Variants in CSMD2 observed in about 807,000 individuals in gnomAD.
The protein encoded by CSMD2 is CUB and Sushi multiple domains 2, also known as CUB and sushi domain-containing protein 2.
A neutral mutation model predicts 398.5 loss-of-function variants in CSMD2; 130 were observed. The observed-to-expected ratio is 0.33, with a 90% confidence interval of 0.28 to 0.38. CSMD2 has a LOEUF of 0.38. CSMD2 is among the 10% of genes least tolerant of loss of function. The pLI is 1.00. For synonymous variants in CSMD2, 1,828 were observed against 1,908.5 expected (o/e 0.96, Z 1.10); for missense variants, 3,829 against 4,764.9 (o/e 0.80, Z 5.78).
At chr1:33,989,012 CCATATA>C (rs1282513896) in intron 3 of CSMD2, among the ~76,000 whole-genome samples, 2 of 49,026 alleles carry the variant, frequency 4.1e-5, no homozygotes, top group Non-Finnish European at 4.1e-5. Flanking sequence ...CTCTCTCTCT[CCATATA>C]TATATATATA....
intron 1 of CSMD2, among the ~76,000 whole-genome samples, chr1:34,133,926 G>A (rs1311531101): frequency 1.2e-4 from 18 of 151,668 alleles, no homozygotes; most frequent in Middle Eastern, 3.4e-3. Context: ...AAAATTAGCC[G>A]GGTGTGGTAG....
At chr1:33,953,221 T>C (rs1011438549) in intron 3 of CSMD2, among the ~76,000 whole-genome samples, 1 of 152,158 alleles carries the variant, frequency 6.6e-6, no homozygotes, top group Non-Finnish European at 1.5e-5. Flanking sequence ...GGGATGTGTG[T>C]CTCCAAGGTG....
chr1:33,784,337 G>A (rs1213777909), intron 12 of CSMD2, among the ~76,000 whole-genome samples: 1 of 152,002 alleles, frequency 6.6e-6, no homozygotes, highest in Non-Finnish European at 1.5e-5. Flanking sequence ...GAGTCACATC[G>A]GGGTGCCGGG....
intron 3 of CSMD2, among the ~76,000 whole-genome samples, chr1:34,005,047 T>C (rs980275038): frequency 1.3e-5 from 2 of 152,202 alleles, no homozygotes; most frequent in African/African-American, 4.8e-5. Context: ...TTTCCATCAG[T>C]GGCTCTTCAT....
chr1:33,864,724 G>C, intron 5 of CSMD2: 1 of 1,612,158 alleles, frequency 6.2e-7, no homozygotes, highest in South Asian at 1.1e-5. Flanking sequence ...AGAAACCGGT[G>C]CAGAGGGAAA....
chr1:33,703,636 T>C (rs560694528), intron 22 of CSMD2, among the ~76,000 whole-genome samples: 3 of 152,346 alleles, frequency 2.0e-5, no homozygotes, highest in Admixed American at 6.5e-5. Context: ...ATAATTTCTA[T>C]GAATATTCCT....
intron 1 of CSMD2, among the ~76,000 whole-genome samples, chr1:34,113,460 C>T (rs1363139911): frequency 6.6e-6 from 1 of 152,218 alleles, no homozygotes; most frequent in Non-Finnish European, 1.5e-5. Context: ...GTGAACAAAG[C>T]AAGACCATCA....
intron 12 of CSMD2, among the ~76,000 whole-genome samples, chr1:33,774,148 T>TGTGA (rs1553201217): frequency 2.8e-5 from 4 of 143,272 alleles, no homozygotes; most frequent in Non-Finnish European, 6.1e-5. Flanking sequence ...TGTGTGTGTG[T>TGTGA]GATCATCTAA....
chr1:33,710,253 A>C (rs2149155639), intron 21 of CSMD2, among the ~76,000 whole-genome samples: 1 of 152,202 alleles, frequency 6.6e-6, no homozygotes, highest in Middle Eastern at 3.4e-3. Context: ...CCTGTATCTG[A>C]GCACCTCCCA....
At chr1:34,112,009 TCTCTCTCTCTTTCTC>T (rs1661141402) in intron 1 of CSMD2, among the ~76,000 whole-genome samples, 1 of 150,774 alleles carries the variant, frequency 6.6e-6, no homozygotes, top group Non-Finnish European at 1.5e-5. Context: ...TCTCTCTCTC[TCTCTCTCTCTTTCTC>T]TCTCTTTCTC....
At chr1:34,129,172 G>A (rs1663069692) in intron 1 of CSMD2, among the ~76,000 whole-genome samples, 2 of 152,184 alleles carry the variant, frequency 1.3e-5, no homozygotes, top group African/African-American at 2.4e-5. Context: ...GGAAGAATCT[G>A]TGTAAAGGTC....
chr1:33,825,569 C>A, intron 7 of CSMD2, 128 bp downstream of exon 7: 2 of 846,126 alleles, frequency 2.4e-6, no homozygotes, highest in Admixed American at 4.3e-5. Context: ...AAGCGCAGAG[C>A]CCAGGATGGA....
chr1:34,000,108 C>T (rs997888305), intron 3 of CSMD2, among the ~76,000 whole-genome samples: 12 of 151,988 alleles, frequency 7.9e-5, no homozygotes, highest in African/African-American at 2.7e-4. Flanking sequence ...TACTGAGAAA[C>T]GTGAATCTAA....
At chr1:33,586,980 C>A (rs1308455891) in intron 45 of CSMD2, 108 bp downstream of exon 45, 9 of 785,962 alleles carry the variant, frequency 1.1e-5, no homozygotes, top group Non-Finnish European at 1.6e-5. Context: ...TCTCTCTCCA[C>A]AGACAGGAGC....
chr1:34,087,771 C>T (rs1031328678), intron 2 of CSMD2, among the ~76,000 whole-genome samples: 7 of 152,036 alleles, frequency 4.6e-5, no homozygotes, highest in African/African-American at 1.4e-4. Flanking sequence ...TCCATGAAGG[C>T]GGTGGCTTTG....
At chr1:33,564,398 C>T (rs1658859618) in intron 53 of CSMD2, among the ~76,000 whole-genome samples, 1 of 152,148 alleles carries the variant, frequency 6.6e-6, no homozygotes. Context: ...TGTCTTTAGG[C>T]CAGGCAGACA....
At position 33,539,006 on chromosome 1, in the gene CSMD2, C is replaced by T. The variant is rs144968256; in HGVS notation, c.9632-1397G>A. On this transcript the variant is annotated intron_variant, in intron 60 of 70. Transcript: ENST00000373381. ...TTTTTGAGATGGAGTCTCACTCTGT[C>T]GCCCAGGCTGGAGTGCAGGGGTGCG... Among the ~76,000 whole-genome samples the T allele has an allele frequency of 9.3e-3, 1,409 of 151,940 alleles. 22 individuals are homozygous for T. The highest frequency in any genetic ancestry group is 0.032 in the African/African-American group (1,341 of 41,404).
intron 15 of CSMD2, among the ~76,000 whole-genome samples, chr1:33,738,783 C>T (rs1646962795): frequency 6.6e-6 from 1 of 152,188 alleles, no homozygotes; most frequent in South Asian, 2.1e-4. Flanking sequence ...CGAAAACTCG[C>T]AGCGCTGCCA....
Position 33,583,645 on chromosome 1 carries a change from C to A in CSMD2, c.7237G>T (p.Asp2413Tyr). ...GTGAGGCATTTGACTGACTTACCAT[C>A]AAAAATCTCAAACTCATCATATTGC... ...EKQYDEFEIF[D>Y]GPSGQSPLLK... The change falls in exon 47 of 71, where the codon GAT (aspartate) becomes TAT (tyrosine). Residue 2413 changes from aspartate to tyrosine, a missense_variant. Asp to Tyr is a radical substitution (Grantham distance 160). Transcript: ENST00000373381. 1 of 1,613,676 alleles carries A rather than the reference C, an allele frequency of 6.2e-7. No homozygotes were observed. The highest frequency in any genetic ancestry group is 1.7e-4 in the Middle Eastern group (1 of 6,058).
Sources: allele counts gnomAD v4.1 joint callset (sites outside exome capture counted in the v4.1 genomes callset), GRCh38; gene constraint gnomAD v4.1.1; transcripts MANE v1.5; gene names NCBI Gene and HGNC (gene_info 2026-07-23, HGNC 2026-07-21).